Variants in DSCAM observed in about 807,000 individuals in gnomAD.
The protein encoded by DSCAM is cell adhesion molecule DSCAM.
A neutral mutation model predicts 217.7 loss-of-function variants in DSCAM; 47 were observed. That is an observed-to-expected ratio of 0.22 (90% CI 0.17 to 0.28). The LOEUF (loss-of-function observed/expected upper bound fraction) is 0.28, where lower values mean the gene tolerates loss of function less well. Among genes scored for constraint, DSCAM ranks in the 10% least tolerant of loss-of-function variants. The pLI is 1.00. For synonymous variants in DSCAM, 1,056 were observed against 1,015.3 expected (o/e 1.04, Z -0.76); for missense variants, 2,080 against 2,618.3 (o/e 0.79, Z 4.49).
chr21:40,047,544 TA>T (rs1439985348), intron 30 of DSCAM, among the ~76,000 whole-genome samples: 1 of 152,220 alleles, frequency 6.6e-6, no homozygotes, highest in Non-Finnish European at 1.5e-5. Flanking sequence ...CAGATTATTT[TA>T]ATTATCCTGA....
intron 1 of DSCAM, among the ~76,000 whole-genome samples, chr21:40,742,384 G>A (rs1470374530): frequency 1.3e-5 from 2 of 152,130 alleles, no homozygotes; most frequent in Non-Finnish European, 2.9e-5. Context: ...TGGAGAAAGG[G>A]GTCAGGAGCC....
At chr21:40,049,421 G>T (rs1486298781) in intron 30 of DSCAM, among the ~76,000 whole-genome samples, 1 of 152,050 alleles carries the variant, frequency 6.6e-6, no homozygotes, top group East Asian at 1.9e-4. Flanking sequence ...CCCCTCACTG[G>T]AAGTCCTCCT....
At chr21:40,332,961 C>T (rs879909714) in intron 8 of DSCAM, among the ~76,000 whole-genome samples, 5 of 152,180 alleles carry the variant, frequency 3.3e-5, no homozygotes, top group Non-Finnish European at 5.9e-5. Flanking sequence ...AAACGAACCT[C>T]CTGGGGACAA....
chr21:40,049,431 T>C (rs1181383373), intron 30 of DSCAM, among the ~76,000 whole-genome samples: 3 of 152,148 alleles, frequency 2.0e-5, no homozygotes, highest in Non-Finnish European at 4.4e-5. Context: ...GAAGTCCTCC[T>C]GAATGACTTG....
chr21:40,632,472 G>T (rs755256206), intron 3 of DSCAM, among the ~76,000 whole-genome samples: 1 of 152,068 alleles, frequency 6.6e-6, no homozygotes, highest in Non-Finnish European at 1.5e-5. Flanking sequence ...ACATAATAAA[G>T]AGCTGTTTTA....
At chr21:40,094,925 C>CA (rs1489744517) in intron 20 of DSCAM, among the ~76,000 whole-genome samples, 1 of 152,094 alleles carries the variant, frequency 6.6e-6, no homozygotes, top group African/African-American at 2.4e-5. Context: ...ACAAATAGCC[C>CA]AAATATGTGT....
chr21:40,171,236 C>T (rs527899231), intron 15 of DSCAM, among the ~76,000 whole-genome samples: 1 of 152,242 alleles, frequency 6.6e-6, no homozygotes, highest in South Asian at 2.1e-4. Context: ...TGCCACCACG[C>T]CTGGCTGACT....
rs145458608 is a variant in DSCAM at position 40,192,282 on chromosome 21, T to C, written c.2357-3044A>G. Reference sequence around the variant, plus strand: ...GTCCCCACCCAACTCTCATCTTGAATTGTAGTTTCCATAAATACAATTCGT... The same window carrying C: ...GTCCCCACCCAACTCTCATCTTGAACTGTAGTTTCCATAAATACAATTCGT... On this transcript the variant is annotated intron_variant, in intron 11 of 32. Transcript: ENST00000400454. Among the ~76,000 whole-genome samples, 899 of 152,238 alleles carry C rather than the reference T, an allele frequency of 5.9e-3. 3 individuals are homozygous for C. Among genetic ancestry groups the C allele is most frequent in the Middle Eastern group, 0.024 (7 of 294 alleles).
chr21:40,371,422 C>CAA (rs35103902), intron 3 of DSCAM, among the ~76,000 whole-genome samples: 1,828 of 142,666 alleles, frequency 0.013, 14 homozygotes, highest in Admixed American at 0.018. Context: ...AAAGGAAAGT[C>CAA]AAAAAAAAAA....
At chr21:40,362,095 C>A (rs2074773348) in intron 4 of DSCAM, among the ~76,000 whole-genome samples, 1 of 152,112 alleles carries the variant, frequency 6.6e-6, no homozygotes, top group Non-Finnish European at 1.5e-5. Context: ...CTACAAAGGA[C>A]ATGAACTCAT....
At chr21:40,453,040 T>TTCTGTGTGTG (rs2075733214) in intron 3 of DSCAM, among the ~76,000 whole-genome samples, 4 of 134,328 alleles carry the variant, frequency 3.0e-5, no homozygotes, top group Non-Finnish European at 6.3e-5. Flanking sequence ...TTTAAAGACT[T>TTCTGTGTGTG]TGTGTGTGTG....
Position 40,083,923 on chromosome 21 carries a change from C to T in DSCAM, c.4216G>A (p.Gly1406Ser), listed in dbSNP as rs2146568828. Reference sequence around the variant, plus strand: ...ATCTTATTACCTCTGATAGAGCTGCCCCCGTTGTCTCCAGGGAGCCAAGAA... The same window carrying T: ...ATCTTATTACCTCTGATAGAGCTGCTCCCGTTGTCTCCAGGGAGCCAAGAA... ...TLSWLPGDNG[G>S]SSIRGYILQY... The change falls in exon 24 of 33, where the codon GGC becomes AGC. Residue 1406 changes from glycine to serine, a missense_variant. Transcript: ENST00000400454. 6.2e-7 allele frequency: 1 copy of T among 1,613,292 alleles called. No individual in the cohort carries two copies. The highest frequency in any genetic ancestry group is 1.1e-5 in the South Asian group (1 of 90,996).
chr21:40,810,309 A>G (rs1431437242), intron 1 of DSCAM, among the ~76,000 whole-genome samples: 1 of 152,142 alleles, frequency 6.6e-6, no homozygotes, highest in Non-Finnish European at 1.5e-5. Context: ...CTTCAGGGGG[A>G]AGAAAATTAT....
rs548631424 is a variant in DSCAM, at chr21:40,480,443, C to G, written c.509-111198G>C. Among the ~76,000 whole-genome samples the G allele has an allele frequency of 3.9e-5, 6 of 152,298 alleles. No individual in the cohort carries two copies. The East Asian group carries it at 1.2e-3, about 29-fold the overall frequency. On this transcript the variant is annotated intron_variant, in intron 3 of 32. Coordinates refer to ENST00000400454, the MANE Select transcript of DSCAM (RefSeq NM_001389.5). ...AGACTGAGACAGTCTTGTTCATAGC[C>G]TCACACACATTAAGTTCTATGCATA...
chr21:40,169,554 C>T (rs1190395150), intron 15 of DSCAM, among the ~76,000 whole-genome samples: 1 of 152,020 alleles, frequency 6.6e-6, no homozygotes, highest in Non-Finnish European at 1.5e-5. Context: ...AAGCTGATTC[C>T]GCAGGTCAGG....
intron 8 of DSCAM, among the ~76,000 whole-genome samples, chr21:40,322,139 CCTG>C (rs1226755036): frequency 9.2e-5 from 14 of 152,178 alleles, no homozygotes; most frequent in Non-Finnish European, 1.9e-4. Flanking sequence ...TCTTTGTCTC[CCTG>C]CTGTTCTCCT....
intron 3 of DSCAM, among the ~76,000 whole-genome samples, chr21:40,650,846 G>A (rs902757659): frequency 5.9e-5 from 9 of 152,282 alleles, no homozygotes; most frequent in African/African-American, 1.4e-4. Context: ...CCTGGGAGGC[G>A]GAGGTTGCAG....
At chr21:40,056,455 T>C (rs1169498657) in intron 28 of DSCAM, among the ~76,000 whole-genome samples, 1 of 150,320 alleles carries the variant, frequency 6.7e-6, no homozygotes, top group Non-Finnish European at 1.5e-5. Context: ...TATCAGAAGA[T>C]TACTCTTAGA....
In DSCAM at chr21:40,245,960, A is replaced by T. The variant is rs971073165; in HGVS notation, c.2356+30137T>A. Among the ~76,000 whole-genome samples, 5 of 152,114 alleles carry T rather than the reference A, an allele frequency of 3.3e-5. No homozygotes were observed. In the East Asian group the frequency reaches 9.7e-4, roughly 29 times the overall value. On this transcript the variant is annotated intron_variant, in intron 11 of 32. Coordinates refer to ENST00000400454, the MANE Select transcript of DSCAM (RefSeq NM_001389.5). ...AAGTCCCTTCTGTTTTAGCCCTTTA[A>T]GGACAGTCACTTTTAAACTACCCAT...
Sources: gnomAD v4.1 joint callset for allele counts (sites outside exome capture counted in the v4.1 genomes callset) on GRCh38, gnomAD v4.1.1 for gene constraint, MANE v1.5 for transcripts, NCBI Gene and HGNC (gene_info 2026-07-23, HGNC 2026-07-21) for gene names.